MEIG1: variants seen among roughly 807,000 people sequenced by gnomAD.
MEIG1 encodes meiosis/spermiogenesis associated 1, also known as meiosis expressed gene 1 protein homolog.
In MEIG1, 12 loss-of-function variants were observed where a neutral mutation model predicts 11.3. That is an observed-to-expected ratio of 1.07 (90% CI 0.68 to 1.73). The LOEUF is 1.73. MEIG1 is among the 40% of genes most tolerant of loss of function. The pLI is 0.00. For missense variants in MEIG1, 119 were observed against 104.9 expected, an observed-to-expected ratio of 1.13 and a Z score of -0.59; for synonymous variants, 41 against 33.2, an observed-to-expected ratio of 1.24 and a Z score of -0.81.
At chr10:14,964,314 G>T (rs749722252) in intron 1 of MEIG1, among the ~76,000 whole-genome samples, 3 of 151,762 alleles carry the variant, frequency 2.0e-5, no homozygotes, top group African/African-American at 7.3e-5. Context: ...TCATATTGAA[G>T]AAATATTTGT....
chr10:14,984,744 C>T (rs897757629), intron 1 of MEIG1, among the ~76,000 whole-genome samples: 3 of 152,068 alleles, frequency 2.0e-5, no homozygotes, highest in Admixed American at 2.0e-4. Flanking sequence ...CTTTTAATGT[C>T]ACAGAGGTTG....
intron 1 of MEIG1, among the ~76,000 whole-genome samples, chr10:14,965,044 C>G (rs1843063909): frequency 6.6e-6 from 1 of 152,026 alleles, no homozygotes; most frequent in Non-Finnish European, 1.5e-5. Flanking sequence ...TCAGTCTCCC[C>G]AACTGCTGGG....
At chr10:14,976,394 T>C (rs547078144), downstream of MEIG1, among the ~76,000 whole-genome samples, 2 of 152,304 alleles carry the variant, frequency 1.3e-5, no homozygotes, top group Admixed American at 6.5e-5. Context: ...ACAATGTGTG[T>C]ATACCTTGTG....
At chr10:14,986,813 G>A (rs372797480) in exon 2 of MEIG1, 90 of 357,062 alleles carry the variant, frequency 2.5e-4, no homozygotes, top group African/African-American at 1.6e-3. Flanking sequence ...GTTTCACCAT[G>A]TTGGCCAAGC....
chr10:14,971,068 A>C (rs1843142920), intron 2 of MEIG1, among the ~76,000 whole-genome samples: 2 of 152,228 alleles, frequency 1.3e-5, no homozygotes, highest in South Asian at 4.1e-4. Context: ...AAAAGTAGAT[A>C]AACCAATATG....
upstream of MEIG1, among the ~76,000 whole-genome samples, chr10:14,955,172 T>C (rs1589196830): frequency 6.6e-6 from 1 of 152,132 alleles, no homozygotes; most frequent in Non-Finnish European, 1.5e-5. Context: ...CCTCATGCGA[T>C]CCGCTCGCCT....
intron 1 of MEIG1, among the ~76,000 whole-genome samples, chr10:14,964,702 C>T (rs1183102525): frequency 6.9e-6 from 1 of 145,692 alleles, no homozygotes; most frequent in Non-Finnish European, 1.5e-5. Context: ...AGTGCAACCT[C>T]CACCTCCTGG....
chr10:14,969,447 C>CA (rs60562557), intron 2 of MEIG1, among the ~76,000 whole-genome samples: 23,430 of 114,936 alleles, frequency 0.2, 2,505 homozygotes, highest in African/African-American at 0.35. Flanking sequence ...GACCCTGTCT[C>CA]AAAAAAAAAA....
upstream of MEIG1, among the ~76,000 whole-genome samples, chr10:14,956,579 T>G (rs1404447523): frequency 6.6e-6 from 1 of 151,972 alleles, no homozygotes; most frequent in Non-Finnish European, 1.5e-5. Flanking sequence ...CGAAACTCCA[T>G]CTCGAAAGCA....
downstream of MEIG1, chr10:14,972,919 G>T: frequency 3.8e-6 from 1 of 263,308 alleles, no homozygotes; most frequent in Non-Finnish European, 7.3e-6. Flanking sequence ...AGGCTGGAGT[G>T]CAGTGGTGCA....
upstream of MEIG1, among the ~76,000 whole-genome samples, chr10:14,955,703 A>C (rs1452100685): frequency 2.6e-5 from 4 of 152,198 alleles, no homozygotes; most frequent in Non-Finnish European, 5.9e-5. Context: ...GTCTCAAAAA[A>C]ACAAAACAAA....
chr10:14,964,585 G>GTGTGTGTGTATA (rs1378376059), intron 1 of MEIG1, among the ~76,000 whole-genome samples: 1 of 93,036 alleles, frequency 1.1e-5, no homozygotes, highest in African/African-American at 3.9e-5. Context: ...GTGTGTGTGT[G>GTGTGTGTGTATA]TATATATATA....
intron 1 of MEIG1, among the ~76,000 whole-genome samples, chr10:14,981,598 C>A (rs577356634): frequency 6.6e-6 from 1 of 152,132 alleles, no homozygotes; most frequent in Non-Finnish European, 1.5e-5. Flanking sequence ...GTCTCTACCC[C>A]CGACAGTCAT....
chr10:14,972,692 C>T lies in MEIG1; in HGVS notation c.*51C>T, dbSNP rs745377656. ...ATTATATTTTAAGTATTCATCATTT[C>T]CTTCTACATCATGTGTTTGTCATTT... On this transcript the variant is annotated 3_prime_UTR_variant, in exon 3 of 3. Transcript: ENST00000407572. 1 of 1,448,614 alleles carries T rather than the reference C, an allele frequency of 6.9e-7. No individual in the cohort carries two copies. The highest frequency in any genetic ancestry group is 9.3e-7 in the Non-Finnish European group (1 of 1,077,774). 89.7% of individuals were successfully genotyped at this position (1,448,614 alleles called of 1,614,324 possible). A position where few individuals can be genotyped will look rare whatever the true frequency, so the allele number is the denominator to read the frequency against.
At chr10:14,972,422 T>C in intron 2 of MEIG1, 91 bp from the exon 3 acceptor site, 1 of 1,533,490 alleles carries the variant, frequency 6.5e-7, no homozygotes, top group Non-Finnish European at 9.0e-7. Flanking sequence ...TTTGTTTCTG[T>C]AAGTCATACT....
upstream of MEIG1, among the ~76,000 whole-genome samples, chr10:14,958,645 C>CCAG (rs1439981630): frequency 6.6e-6 from 1 of 152,154 alleles, no homozygotes; most frequent in Non-Finnish European, 1.5e-5. Context: ...GCCTGTAATC[C>CCAG]CAGCTCTTTG....
chr10:14,959,956 G>C (rs964161723), intron 1 of MEIG1, among the ~76,000 whole-genome samples: 5 of 152,236 alleles, frequency 3.3e-5, no homozygotes, highest in Non-Finnish European at 7.3e-5. Context: ...GAGGGATGGG[G>C]ACTGCAGGTT....
chr10:14,987,459 T>C lies in MEIG1; in HGVS notation n.286-329T>C, dbSNP rs1843330963. On this transcript the variant is annotated intron_variant and non_coding_transcript_variant, in intron 2 of 2. Transcript: ENST00000467536. ...CGTGGCTCTGTGTGTCTTGGACACC[T>C]TGAGAAGGAAAGAGGATTGGAAAAT... is the stretch of plus-strand genomic sequence containing the variant. 8.4e-6 allele frequency: 6 copies of C among 716,658 alleles called. No homozygotes were observed. In the East Asian group the frequency reaches 1.6e-4, roughly 19 times the overall value. The allele number at this position is 716,658 out of a possible 1,614,324, so 44.4% of individuals were successfully genotyped here.
At chr10:14,971,718 A>G (rs1843153206) in intron 2 of MEIG1, among the ~76,000 whole-genome samples, 1 of 152,210 alleles carries the variant, frequency 6.6e-6, no homozygotes, top group Non-Finnish European at 1.5e-5. Context: ...TGTGGTATTA[A>G]TTTTAGAAGT....
Sources: allele counts gnomAD v4.1 joint callset (sites outside exome capture counted in the v4.1 genomes callset), GRCh38; gene constraint gnomAD v4.1.1; transcripts MANE v1.5; gene names NCBI Gene and HGNC (gene_info 2026-07-23, HGNC 2026-07-21).